TBC1D2B: variants seen among roughly 807,000 people sequenced by gnomAD.
TBC1D2B encodes the protein TBC1 domain family member 2B, also known as TBC1 domain family, member 2B.
Under a neutral mutation model 100.8 loss-of-function variants are expected in TBC1D2B, and 64 were observed. The observed-to-expected ratio is 0.64, with a 90% CI of 0.52 to 0.78. TBC1D2B has a LOEUF of 0.78. Among genes scored for constraint, TBC1D2B ranks in the 30% least tolerant of loss-of-function variants. The pLI, the probability that TBC1D2B is intolerant of heterozygous loss-of-function variation, is 0.00. For synonymous variants in TBC1D2B, 480 were observed against 479.7 expected, an observed-to-expected ratio of 1.00 and a Z score of -0.01; for missense variants, 1,052 against 1,218.4, an observed-to-expected ratio of 0.86 and a Z score of 2.03.
intron 3 of TBC1D2B, among the ~76,000 whole-genome samples, chr15:78,037,481 C>G (rs1433723631): frequency 6.6e-6 from 1 of 152,222 alleles, no homozygotes; most frequent in Non-Finnish European, 1.5e-5. Flanking sequence ...CAGCCTTGAA[C>G]CGCACCCTAC....
chr15:78,038,002 G>A (rs571259700), intron 3 of TBC1D2B, among the ~76,000 whole-genome samples: 6 of 152,186 alleles, frequency 3.9e-5, no homozygotes, highest in Non-Finnish European at 7.3e-5. Context: ...TGCTAGGGAA[G>A]GGAGTGTGGC....
chr15:78,043,224 T>C (rs1342307138), intron 3 of TBC1D2B, among the ~76,000 whole-genome samples: 1 of 152,170 alleles, frequency 6.6e-6, no homozygotes, highest in Non-Finnish European at 1.5e-5. Context: ...TTTAAAACAG[T>C]GTGTCCTTGG....
At position 78,077,674 on chromosome 15, in the gene TBC1D2B, G is replaced by A. The variant is rs2073855881; in HGVS notation, c.-22C>T. 1.0e-6 allele frequency: 1 copy of A among 986,152 alleles called. No homozygotes were observed. Among genetic ancestry groups the A allele is most frequent in the Non-Finnish European group, 1.2e-6 (1 of 831,648 alleles). 61.1% of individuals were successfully genotyped at this position (986,152 alleles called of 1,614,324 possible). A position where few individuals can be genotyped will look rare whatever the true frequency, so the allele number is the denominator to read the frequency against. ...GCATCGCTACCGCGCGCCAACCGTA[G>A]GCGCCCGCGCCCTGCGCCTCCGCGC... On this transcript the variant is annotated 5_prime_UTR_variant, in exon 1 of 13. Coordinates refer to ENST00000300584, the MANE Select transcript of TBC1D2B (RefSeq NM_144572.2).
At chr15:78,074,090 C>T (rs2073786770) in intron 1 of TBC1D2B, among the ~76,000 whole-genome samples, 1 of 149,676 alleles carries the variant, frequency 6.7e-6, no homozygotes, top group Non-Finnish European at 1.5e-5. Context: ...GTGGTGTGAT[C>T]TCGGCTCACT....
chr15:78,057,412 C>T (rs2073448034), intron 1 of TBC1D2B, among the ~76,000 whole-genome samples: 1 of 152,098 alleles, frequency 6.6e-6, no homozygotes, highest in African/African-American at 2.4e-5. Flanking sequence ...GAGGCCGAGG[C>T]AGGCGGATCA....
chr15:77,999,202 A>C, intron 12 of TBC1D2B: 1 of 436,566 alleles, frequency 2.3e-6, no homozygotes, highest in Non-Finnish European at 4.7e-6. Context: ...TTCCCTGTCA[A>C]CCAAAGGCCC....
rs2073845155 is a variant in TBC1D2B at position 78,077,284 on chromosome 15, C to A, written c.360+9G>T. The A allele has an allele frequency of 2.1e-6, 3 of 1,458,574 alleles. No homozygotes were observed. The South Asian group carries it at 4.1e-5, about 20-fold the overall frequency. The allele number at this position is 1,458,574 out of a possible 1,614,324, so 90.4% of individuals were successfully genotyped here. A position where few individuals can be genotyped will look rare whatever the true frequency, so the allele number is the denominator to read the frequency against. ...AGCGCGCGGGCGGCTTTGGGGCGAG[C>A]GGTCCCACCTTGAGCACCGTGACGG... On this transcript the variant is annotated intron_variant, in intron 1 of 12. Coordinates refer to ENST00000300584, the MANE Select transcript of TBC1D2B (RefSeq NM_144572.2).
intron 8 of TBC1D2B, among the ~76,000 whole-genome samples, chr15:78,013,555 AC>A (rs1172854268): frequency 1.3e-5 from 2 of 152,224 alleles, no homozygotes; most frequent in East Asian, 3.8e-4. Context: ...GGGAAAAAAA[AC>A]AATCCCAAAC....
At chr15:77,999,178 A>G (rs2071845812) in intron 12 of TBC1D2B, 1 of 420,460 alleles carries the variant, frequency 2.4e-6, no homozygotes, top group African/African-American at 2.0e-5. Flanking sequence ...ATCCACCAAC[A>G]TGGGCTCATG....
In TBC1D2B at chr15:78,024,510, G is replaced by C. The variant is rs2072606750; in HGVS notation, c.1116C>G (p.Val372=). The C allele has an allele frequency of 3.1e-6, 5 of 1,613,416 alleles. No homozygotes were observed. In the Admixed American group the frequency reaches 5.0e-5, roughly 16 times the overall value. Residue 372 remains valine, a synonymous_variant, in exon 6 of 13, where the codon GTC becomes GTG. Coordinates refer to ENST00000300584, the MANE Select transcript of TBC1D2B (RefSeq NM_144572.2). Reference sequence around the variant, plus strand: ...AATACTTGTCATACTGGGATGACCGGACTGTCTGCTGGAGCAGTCGAACAA... The same window carrying C: ...AATACTTGTCATACTGGGATGACCGCACTGTCTGCTGGAGCAGTCGAACAA... ...KELVRLLQQT[V]RSSQYDKYFT...
chr15:78,000,714 G>A (rs1365316986), intron 12 of TBC1D2B, among the ~76,000 whole-genome samples: 1 of 152,254 alleles, frequency 6.6e-6, no homozygotes, highest in African/African-American at 2.4e-5. Flanking sequence ...GCAGCCAACA[G>A]CTGCAGTCCA....
chr15:78,009,542 T>TAA (rs79836912), intron 9 of TBC1D2B, among the ~76,000 whole-genome samples: 2 of 142,116 alleles, frequency 1.4e-5, no homozygotes, highest in Non-Finnish European at 1.5e-5. Context: ...CTTGTCTCAT[T>TAA]AAAAAAAAAA....
chr15:78,019,617 G>A (rs1388260382), intron 6 of TBC1D2B, among the ~76,000 whole-genome samples: 7 of 151,732 alleles, frequency 4.6e-5, no homozygotes, highest in Non-Finnish European at 1.0e-4. Context: ...GCTGGGAATG[G>A]TGACTCATGC....
intron 8 of TBC1D2B, among the ~76,000 whole-genome samples, chr15:78,015,030 T>G (rs1192271372): frequency 6.6e-6 from 1 of 152,082 alleles, no homozygotes; most frequent in East Asian, 1.9e-4. Flanking sequence ...TGAAACCCTG[T>G]CTCTGCTAAA....
At position 78,012,959 on chromosome 15, in the gene TBC1D2B, G is replaced by C; in HGVS notation, c.2134C>G (p.Leu712Val). 1.9e-6 allele frequency: 3 copies of C among 1,581,932 alleles called. No individual in the cohort carries two copies. Among genetic ancestry groups the C allele is most frequent in the Non-Finnish European group, 2.6e-6 (3 of 1,160,726 alleles). The change falls in exon 9 of 13, where the codon CTG becomes GTG. Residue 712 changes from leucine (L) to valine (V), a missense_variant. Around this residue, in one of 4 missense-constraint regions of TBC1D2B, gnomAD observed 373 missense variants for 464.9 expected, o/e 0.80. Coordinates refer to ENST00000300584, the MANE Select transcript of TBC1D2B (RefSeq NM_144572.2). ...TTGGGCAGAGTTCGCAGCAAGTCCA[G>C]CTCAATCTGCTTGGAGGCTGGGTTC... ...KQNPASKQIE[L>V]DLLRTLPNNK...
Position 78,037,559 on chromosome 15 carries a change from G to C in TBC1D2B, c.683+7341C>G, listed in dbSNP as rs1455413773. 3.9e-5 allele frequency among the ~76,000 whole-genome samples: 6 copies of C among 152,064 alleles called. No homozygotes were observed. The East Asian group carries it at 9.7e-4, about 25-fold the overall frequency. ...TGAAGAACCTTAAACAGCTGACAGC[G>C]GGGAGGGACAGCCTCTTACCCAAGG... On this transcript the variant is annotated intron_variant, in intron 3 of 12. Transcript: ENST00000300584.
At chr15:77,999,674 C>T (rs1304735678) in intron 12 of TBC1D2B, among the ~76,000 whole-genome samples, 1 of 152,240 alleles carries the variant, frequency 6.6e-6, no homozygotes, top group East Asian at 1.9e-4. Flanking sequence ...ACAGCCCCCA[C>T]AAACCCCAAA....
chr15:78,047,343 A>C (rs1296234946), intron 2 of TBC1D2B, among the ~76,000 whole-genome samples: 1 of 152,118 alleles, frequency 6.6e-6, no homozygotes, highest in Non-Finnish European at 1.5e-5. Flanking sequence ...AGGGCACAAC[A>C]ACCAATGAGA....
intron 1 of TBC1D2B, among the ~76,000 whole-genome samples, chr15:78,072,375 T>G (rs1417842995): frequency 6.6e-6 from 1 of 152,226 alleles, no homozygotes; most frequent in African/African-American, 2.4e-5. Flanking sequence ...CCATGAAAAG[T>G]TAAATTCCCA....
Sources: gnomAD v4.1 joint callset for allele counts (sites outside exome capture counted in the v4.1 genomes callset) on GRCh38, gnomAD v4.1.1 for gene constraint, gnomAD v4.1.1 regional missense constraint, MANE v1.5 for transcripts, NCBI Gene and HGNC (gene_info 2026-07-23, HGNC 2026-07-21) for gene names.